SLC30A10: variants seen among roughly 807,000 people sequenced by gnomAD.
SLC30A10 encodes the protein solute carrier family 30 member 10, also known as calcium/manganese antiporter SLC30A10.
In SLC30A10, 8 loss-of-function variants were observed where a neutral mutation model predicts 21.7. That is an observed-to-expected ratio of 0.37 (90% CI 0.22 to 0.67). The LOEUF is 0.67. Among genes scored for constraint, SLC30A10 ranks in the 30% least tolerant of loss-of-function variants. SLC30A10 has a pLI of 0.58. For missense variants in SLC30A10, 521 were observed against 642.5 expected (o/e 0.81, Z 2.04); for synonymous variants, 272 against 279.4 (o/e 0.97, Z 0.26).
chr1:219,922,887 A>G (rs1659729961), intron 2 of SLC30A10, among the ~76,000 whole-genome samples: 1 of 152,146 alleles, frequency 6.6e-6, no homozygotes, highest in African/African-American at 2.4e-5. Context: ...AAAGAGATGA[A>G]GTTCCTTGCC....
intron 2 of SLC30A10, 42 bp downstream of exon 2, chr1:219,926,986 G>A (rs763456522): frequency 2.7e-6 from 4 of 1,463,030 alleles, no homozygotes; most frequent in Non-Finnish European, 3.8e-6. Context: ...GTCCATGTGT[G>A]TCATAGAAAG....
At chr1:219,955,458 C>T (rs560145604) in intron 1 of SLC30A10, among the ~76,000 whole-genome samples, 1 of 152,090 alleles carries the variant, frequency 6.6e-6, no homozygotes, top group Non-Finnish European at 1.5e-5. Context: ...ATTCTTTTCT[C>T]GCAGGTTTTA....
In SLC30A10 at chr1:219,953,741, CT is replaced by C. The variant is rs375059502; in HGVS notation, n.80+4826del. 3.4e-4 allele frequency among the ~76,000 whole-genome samples: 50 copies of C among 147,688 alleles called. 1 individual carries two copies. The highest frequency in any genetic ancestry group is 1.2e-3 in the African/African-American group (46 of 38,676). ...TTTATTTTTGAGACTGAGTCTTGCT[CT>C]GTTGCCCAGGCTGGAGTGCAGTGGC... On this transcript the variant is annotated intron_variant and non_coding_transcript_variant, in intron 1 of 8. Transcript: ENST00000484239.
chr1:219,954,438 G>A (rs1660316065), intron 1 of SLC30A10, among the ~76,000 whole-genome samples: 1 of 152,040 alleles, frequency 6.6e-6, no homozygotes, highest in Non-Finnish European at 1.5e-5. Flanking sequence ...CCAGCACTTT[G>A]GGAGGCTGAG....
intron 2 of SLC30A10, among the ~76,000 whole-genome samples, chr1:219,922,270 C>G (rs1176030403): frequency 8.4e-6 from 1 of 118,822 alleles, no homozygotes; most frequent in Non-Finnish European, 1.6e-5. Flanking sequence ...GGGCTGGTCT[C>G]AAACTCCTGG....
chr1:219,955,973 T>A (rs1164883896), intron 1 of SLC30A10, among the ~76,000 whole-genome samples: 1 of 152,190 alleles, frequency 6.6e-6, no homozygotes, highest in East Asian at 1.9e-4. Flanking sequence ...CCAATTGATA[T>A]CAGGTTAATG....
At chr1:219,919,587 C>A (rs1023855707) in intron 2 of SLC30A10, among the ~76,000 whole-genome samples, 5 of 151,392 alleles carry the variant, frequency 3.3e-5, no homozygotes, top group Admixed American at 2.6e-4. Context: ...ACCAGCCTGG[C>A]CAATATGGTG....
chr1:219,916,733 G>A (rs1045594067), intron 3 of SLC30A10, among the ~76,000 whole-genome samples: 2 of 152,168 alleles, frequency 1.3e-5, no homozygotes, highest in African/African-American at 4.8e-5. Flanking sequence ...AGGCTTTGCA[G>A]TCAGCTAGTT....
At position 219,915,129 on chromosome 1, in the gene SLC30A10, G is replaced by T; in HGVS notation, c.*320C>A. ...AGAAACAAGAACTTCTTTGAACACTGTATCCGCAGCTATTGAGCCCCAGTC... is the reference window on the plus strand; with the variant it reads ...AGAAACAAGAACTTCTTTGAACACTTTATCCGCAGCTATTGAGCCCCAGTC... On this transcript the variant is annotated 3_prime_UTR_variant, in exon 4 of 4. Coordinates refer to ENST00000366926, the MANE Select transcript of SLC30A10 (RefSeq NM_018713.3). 3.3e-6 allele frequency: 1 copy of T among 302,114 alleles called. No individual in the cohort carries two copies. The highest frequency in any genetic ancestry group is 6.2e-6 in the Non-Finnish European group (1 of 160,900). The allele number at this position is 302,114 out of a possible 1,614,324, so 18.7% of individuals were successfully genotyped here.
upstream of SLC30A10, among the ~76,000 whole-genome samples, chr1:219,929,019 C>G (rs1357007813): frequency 1.3e-5 from 2 of 152,228 alleles, no homozygotes; most frequent in South Asian, 4.1e-4. Flanking sequence ...TGCAAGGCCC[C>G]GGAGCACAGG....
At chr1:219,937,486 T>G (rs1358621433) in intron 1 of SLC30A10, among the ~76,000 whole-genome samples, 1 of 152,230 alleles carries the variant, frequency 6.6e-6, no homozygotes, top group Non-Finnish European at 1.5e-5. Context: ...GCTCTTTGTT[T>G]TCCATATCTA....
intron 3 of SLC30A10, among the ~76,000 whole-genome samples, chr1:219,916,973 T>G (rs1470543562): frequency 4.7e-5 from 7 of 149,404 alleles, no homozygotes; most frequent in Non-Finnish European, 4.5e-5. Flanking sequence ...GTGGGGTTTT[T>G]TTTTTTTTTT....
chr1:219,916,077 G>A (rs1659535062), intron 3 of SLC30A10, 129 bp from the exon 4 acceptor site: 2 of 1,166,490 alleles, frequency 1.7e-6, no homozygotes, highest in Admixed American at 2.5e-5. Flanking sequence ...ACAGCTGGAA[G>A]AAATTAGTTC....
Position 219,948,304 on chromosome 1 carries a change from G to A in SLC30A10, n.80+10264C>T, listed in dbSNP as rs532264580. Among the ~76,000 whole-genome samples the A allele has an allele frequency of 7.7e-3, 1,160 of 151,594 alleles. 10 individuals carry two copies. The highest frequency in any genetic ancestry group is 0.027 in the African/African-American group (1,129 of 41,326). On this transcript the variant is annotated intron_variant and non_coding_transcript_variant, in intron 1 of 8. Coordinates refer to the SLC30A10 transcript ENST00000484239. ...ACCAAAAAAGAGCCCGCATCGCCAA[G>A]TCAATCCTAAGCCAAAAGAACAAAG... is the stretch of plus-strand genomic sequence containing the variant.
chr1:219,957,479 A>G (rs938606884), intron 1 of SLC30A10, among the ~76,000 whole-genome samples: 2 of 152,220 alleles, frequency 1.3e-5, no homozygotes, highest in African/African-American at 4.8e-5. Context: ...AAAAATTCAT[A>G]TGAGCTATTA....
intron 2 of SLC30A10, among the ~76,000 whole-genome samples, chr1:219,926,568 G>A (rs1659831851): frequency 6.6e-6 from 1 of 152,152 alleles, no homozygotes; most frequent in Non-Finnish European, 1.5e-5. Context: ...AGGTTTTAGT[G>A]AGCCAACGGT....
At chr1:219,942,862 T>A (rs959696217) in intron 1 of SLC30A10, among the ~76,000 whole-genome samples, 1 of 152,086 alleles carries the variant, frequency 6.6e-6, no homozygotes, top group African/African-American at 2.4e-5. Flanking sequence ...CTGGCCAACA[T>A]GATAAAACCC....
chr1:219,941,149 G>T (rs1403287251), intron 1 of SLC30A10, among the ~76,000 whole-genome samples: 1 of 152,192 alleles, frequency 6.6e-6, no homozygotes, highest in Non-Finnish European at 1.5e-5. Flanking sequence ...AATAAAACAC[G>T]AGAAGCACGT....
chr1:219,919,500 G>C (rs571686483), intron 2 of SLC30A10, among the ~76,000 whole-genome samples: 1 of 152,112 alleles, frequency 6.6e-6, no homozygotes, highest in African/African-American at 2.4e-5. Context: ...GTGAGTCTGG[G>C]CGTGGTGGCT....
Sources: gnomAD v4.1 joint callset for allele counts (sites outside exome capture counted in the v4.1 genomes callset) on GRCh38, gnomAD v4.1.1 for gene constraint, MANE v1.5 for transcripts, NCBI Gene and HGNC (gene_info 2026-07-23, HGNC 2026-07-21) for gene names.